The following DLGAP1 variants were observed in gnomAD, a reference collection of about 807,000 sequenced individuals.
DLGAP1 encodes the protein disks large-associated protein 1.
DLGAP1 carries 11 observed loss-of-function variants against 90.8 expected under a neutral mutation model. That is an observed-to-expected ratio of 0.12 (90% CI 0.08 to 0.20). The LOEUF (loss-of-function observed/expected upper bound fraction) is 0.20, where lower values mean the gene tolerates loss of function less well. Among genes scored for constraint, DLGAP1 ranks in the 10% least tolerant of loss-of-function variants. DLGAP1 has a pLI of 1.00. For missense variants in DLGAP1, 1,050 were observed against 1,333.8 expected (o/e 0.79, Z 3.31); for synonymous variants, 558 against 540.7 (o/e 1.03, Z -0.44).
chr18:3,617,018 G>C (rs2057898828), intron 7 of DLGAP1, among the ~76,000 whole-genome samples: 1 of 152,134 alleles, frequency 6.6e-6, no homozygotes, highest in African/African-American at 2.4e-5. Context: ...CCTTGAAACT[G>C]TAGGAGATGC....
intron 2 of DLGAP1, among the ~76,000 whole-genome samples, chr18:4,076,601 C>G (rs2075526247): frequency 1.3e-5 from 2 of 151,990 alleles, no homozygotes; most frequent in South Asian, 4.1e-4. Context: ...TCACAACACT[C>G]TGTTTTCTTT....
At chr18:3,575,791 C>T (rs1406538660) in intron 8 of DLGAP1, among the ~76,000 whole-genome samples, 2 of 152,140 alleles carry the variant, frequency 1.3e-5, no homozygotes, top group African/African-American at 4.8e-5. Context: ...GCCCCCATCA[C>T]CCCCAGCACT....
chr18:3,672,218 A>G (rs2060112984), intron 7 of DLGAP1, among the ~76,000 whole-genome samples: 1 of 151,514 alleles, frequency 6.6e-6, no homozygotes, highest in African/African-American at 2.4e-5. Context: ...ACACACACAC[A>G]CACACACACA....
intron 1 of DLGAP1, among the ~76,000 whole-genome samples, chr18:4,313,211 T>C (rs561769359): frequency 6.6e-6 from 1 of 152,278 alleles, no homozygotes; most frequent in African/African-American, 2.4e-5. Context: ...CCATAAATAA[T>C]AGAAGCACTA....
intron 3 of DLGAP1, among the ~76,000 whole-genome samples, chr18:3,988,072 G>A (rs2073878863): frequency 6.6e-6 from 1 of 151,786 alleles, no homozygotes; most frequent in African/African-American, 2.4e-5. Flanking sequence ...AGAATCAATG[G>A]GAGCCCTGAG....
intron 1 of DLGAP1, among the ~76,000 whole-genome samples, chr18:4,313,061 A>T (rs2143482852): frequency 6.6e-6 from 1 of 152,316 alleles, no homozygotes; most frequent in Non-Finnish European, 1.5e-5. Flanking sequence ...CTCCTAAAAA[A>T]TTATGCTTGT....
chr18:3,815,099 G>C (rs908216128), intron 4 of DLGAP1, among the ~76,000 whole-genome samples: 10 of 152,302 alleles, frequency 6.6e-5, no homozygotes, highest in South Asian at 2.1e-4. Context: ...TTTGAAAGGA[G>C]AGCAATTTTA....
At chr18:3,843,983 A>G (rs1271617341) in intron 4 of DLGAP1, among the ~76,000 whole-genome samples, 2 of 152,208 alleles carry the variant, frequency 1.3e-5, no homozygotes, top group Admixed American at 6.5e-5. Context: ...TACTTCTAGG[A>G]AAGACATATG....
intron 1 of DLGAP1, among the ~76,000 whole-genome samples, chr18:4,318,980 A>G (rs1342720287): frequency 6.6e-6 from 1 of 152,226 alleles, no homozygotes; most frequent in East Asian, 1.9e-4. Context: ...AAATGTTGCT[A>G]TGAGAATGGA....
At chr18:4,216,014 T>A (rs2077946536) in intron 1 of DLGAP1, among the ~76,000 whole-genome samples, 1 of 152,164 alleles carries the variant, frequency 6.6e-6, no homozygotes, top group Non-Finnish European at 1.5e-5. Context: ...CCTAAATGTA[T>A]TAGTCCATTC....
intron 7 of DLGAP1, among the ~76,000 whole-genome samples, chr18:3,590,109 C>T (rs2056145271): frequency 6.6e-6 from 1 of 152,142 alleles, no homozygotes; most frequent in Admixed American, 6.5e-5. Flanking sequence ...GGGGTTTCAC[C>T]ATGTTGGTCA....
At chr18:4,265,698 TTCCC>T (rs1233597653) in intron 1 of DLGAP1, among the ~76,000 whole-genome samples, 88 of 118,092 alleles carry the variant, frequency 7.5e-4, no homozygotes, top group African/African-American at 3.2e-3. Flanking sequence ...CCTTCCTTCC[TTCCC>T]TCCTCTCTTC....
chr18:3,551,960 GT>G (rs60343720), intron 9 of DLGAP1, among the ~76,000 whole-genome samples: 13,062 of 142,850 alleles, frequency 0.091, 1,282 homozygotes, highest in African/African-American at 0.25. Flanking sequence ...TTTTTAAATT[GT>G]TTTTTTTTTT....
intron 7 of DLGAP1, among the ~76,000 whole-genome samples, chr18:3,692,259 T>A (rs1367942279): frequency 6.7e-6 from 1 of 149,854 alleles, no homozygotes; most frequent in Non-Finnish European, 1.5e-5. Flanking sequence ...TCATTTCCAT[T>A]ATGTGTATTT....
At chr18:3,881,598 G>A (rs2071171066) in intron 3 of DLGAP1, among the ~76,000 whole-genome samples, 1 of 152,170 alleles carries the variant, frequency 6.6e-6, no homozygotes, top group African/African-American at 2.4e-5. Flanking sequence ...CACTCCATAA[G>A]TGTGAATGAA....
chr18:3,583,426 A>ATC (rs971401217), intron 7 of DLGAP1, among the ~76,000 whole-genome samples: 7 of 149,278 alleles, frequency 4.7e-5, no homozygotes, highest in African/African-American at 1.2e-4. Context: ...CACCTTGCCT[A>ATC]TCTCTCTCTC....
At chr18:4,169,476 C>G (rs116730490) in intron 1 of DLGAP1, among the ~76,000 whole-genome samples, 1 of 152,064 alleles carries the variant, frequency 6.6e-6, no homozygotes, top group Non-Finnish European at 1.5e-5. Flanking sequence ...GGGAGATAAC[C>G]TAACAAAATA....
rs1186426563 is a variant in DLGAP1 at position 3,720,888 on chromosome 18, C to CAAAAAAAAAAAAAAAAAAAAAAAAAAAA, written c.1591+8246_1591+8247insTTTTTTTTTTTTTTTTTTTTTTTTTTTT. On this transcript the variant is annotated intron_variant, in intron 7 of 12. Coordinates refer to ENST00000315677, the MANE Select transcript of DLGAP1 (RefSeq NM_004746.4). ...GCAACATACTAAGACCTTGTCTCTA[C>CAAAAAAAAAAAAAAAAAAAAAAAAAAAA]AAAAAAAAAAAAAAAAAAAAATTAG... Among the ~76,000 whole-genome samples, 37 of 50,310 alleles carry CAAAAAAAAAAAAAAAAAAAAAAAAAAAA rather than the reference C, an allele frequency of 7.4e-4. 2 individuals are homozygous for CAAAAAAAAAAAAAAAAAAAAAAAAAAAA. Among genetic ancestry groups the CAAAAAAAAAAAAAAAAAAAAAAAAAAAA allele is most frequent in the African/African-American group, 2.7e-3 (34 of 12,492 alleles). The allele number at this position is 50,310 out of a possible 152,430, so 33.0% of individuals were successfully genotyped here.
rs534223081 is a variant in DLGAP1 at position 3,667,065 on chromosome 18, G to A, written c.1591+62070C>T. 1.1e-4 allele frequency among the ~76,000 whole-genome samples: 16 copies of A among 151,610 alleles called. No homozygotes were observed. The South Asian group carries it at 2.9e-3, about 28-fold the overall frequency. ...ATTACAGGCCTGAGCCACTGTGCCC[G>A]GTTGCTAATTTGTCAATTTTTTTTT... On this transcript the variant is annotated intron_variant, in intron 7 of 12. Coordinates refer to ENST00000315677, the MANE Select transcript of DLGAP1 (RefSeq NM_004746.4).
Sources: gnomAD v4.1 joint callset for allele counts (sites outside exome capture counted in the v4.1 genomes callset) on GRCh38, gnomAD v4.1.1 for gene constraint, MANE v1.5 for transcripts, NCBI Gene and HGNC (gene_info 2026-07-23, HGNC 2026-07-21) for gene names.